Variants in IBTK observed in about 807,000 individuals in gnomAD.
IBTK encodes inhibitor of Bruton tyrosine kinase.
Under a neutral mutation model 154.9 loss-of-function variants are expected in IBTK, and 83 were observed. That is an observed-to-expected ratio of 0.54 (90% CI 0.45 to 0.64). The LOEUF (loss-of-function observed/expected upper bound fraction) is 0.64. Ranked by LOEUF, IBTK falls within the 30% of genes least tolerant of loss-of-function variation. IBTK has a pLI of 0.00. For synonymous variants in IBTK, 515 were observed against 536.1 expected (o/e 0.96, Z 0.54); for missense variants, 1,332 against 1,584.6 (o/e 0.84, Z 2.71).
rs1320416076 is a variant in IBTK, at chr6:82,200,569, A to T, written c.2912+18T>A. ...GAAGAAAAGGAGGAAAAGAAAAAAA[A>T]AAAAGAAAACAGCTTACGAATGATT... is the stretch of plus-strand genomic sequence containing the variant. On this transcript the variant is annotated intron_variant, in intron 20 of 28. Coordinates refer to ENST00000306270, the MANE Select transcript of IBTK (RefSeq NM_015525.4). The T allele has an allele frequency of 2.0e-6, 3 of 1,514,188 alleles. No individual in the cohort carries two copies. Among genetic ancestry groups the T allele is most frequent in the African/African-American group, 1.4e-5 (1 of 70,636 alleles). The allele number at this position is 1,514,188 out of a possible 1,614,324, so 93.8% of individuals were successfully genotyped here.
At chr6:82,231,175 G>A (rs1262198369) in intron 4 of IBTK, among the ~76,000 whole-genome samples, 1 of 152,122 alleles carries the variant, frequency 6.6e-6, no homozygotes, top group Non-Finnish European at 1.5e-5. Flanking sequence ...CCAGACTGCT[G>A]TCATCCAACT....
intron 2 of IBTK, 95 bp downstream of exon 2, chr6:82,240,071 C>T (rs1770882669): frequency 1.9e-6 from 2 of 1,042,466 alleles, no homozygotes; most frequent in Admixed American, 5.1e-5. Flanking sequence ...AGAAAAAATG[C>T]AAATATTTTC....
At position 82,201,497 on chromosome 6, in the gene IBTK, AC is replaced by A. The variant is rs1470614355; in HGVS notation, c.2730-16del. On this transcript the variant is annotated splice_polypyrimidine_tract_variant and intron_variant, in intron 18 of 28. Transcript: ENST00000306270. ...CATCAAGAGACCTAAAATATAGGAT[AC>A]AAAATTCTATCTTAAGATTCAAGTG... The A allele has an allele frequency of 3.2e-6, 5 of 1,559,970 alleles. No homozygotes were observed. The African/African-American group carries it at 4.1e-5, about 13-fold the overall frequency.
At chr6:82,201,526 T>C (rs745747307) in intron 18 of IBTK, 44 bp from the exon 19 acceptor site, 1 of 1,348,452 alleles carries the variant, frequency 7.4e-7, no homozygotes, top group Admixed American at 1.9e-5. Flanking sequence ...TTCAAGTGAC[T>C]TGATAACTGT....
intron 1 of IBTK, among the ~76,000 whole-genome samples, chr6:82,244,426 A>G (rs1362299681): frequency 6.6e-6 from 1 of 152,192 alleles, no homozygotes; most frequent in Non-Finnish European, 1.5e-5. Flanking sequence ...AAGGAGTCTA[A>G]AAGAGATCCA....
Position 82,214,785 on chromosome 6 carries a change from T to C in IBTK, c.1646A>G (p.Glu549Gly), listed in dbSNP as rs910376093. The C allele has an allele frequency of 8.1e-6, 13 of 1,607,700 alleles. No individual in the cohort carries two copies. Among genetic ancestry groups the C allele is most frequent in the Non-Finnish European group, 1.1e-5 (13 of 1,177,654 alleles). Residue 549 changes from glutamate to glycine, a missense_variant, in exon 12 of 29, where the codon GAG (glutamate) becomes GGG (glycine). Around this residue, in one of 3 missense-constraint regions of IBTK, gnomAD observed 1,134 missense variants for 1,274.7 expected, o/e 0.89. Coordinates refer to ENST00000306270, the MANE Select transcript of IBTK (RefSeq NM_015525.4). Reference protein sequence around the residue: ...PAVSSSSFFEEFGKLLREADE... With the variant: ...PAVSSSSFFEGFGKLLREADE... ...TGCTTCCCTCAACAGTTTGCCAAAC[T>C]CTTCAAAAAAGGATGATGAGGACAC...
intron 27 of IBTK, chr6:82,172,794 G>A: frequency 3.3e-6 from 1 of 305,270 alleles, no homozygotes. Flanking sequence ...AGAATGATGA[G>A]GTGAGAAACA....
At chr6:82,238,844 TTCTAATGCCTCAGTC>T (rs1770833999) in intron 2 of IBTK, among the ~76,000 whole-genome samples, 1 of 152,032 alleles carries the variant, frequency 6.6e-6, no homozygotes, top group African/African-American at 2.4e-5. Context: ...GCTTAGCTGA[TTCTAATGCCTCAGTC>T]TCCCAAGTAG....
At chr6:82,193,838 C>A in intron 23 of IBTK, among the ~76,000 whole-genome samples, 1 of 151,954 alleles carries the variant, frequency 6.6e-6, no homozygotes, top group South Asian at 2.1e-4. Flanking sequence ...CGTACCACCA[C>A]GCCTGGCTAA....
intron 10 of IBTK, among the ~76,000 whole-genome samples, chr6:82,216,482 C>A (rs1314312073): frequency 6.6e-6 from 1 of 152,148 alleles, no homozygotes; most frequent in Non-Finnish European, 1.5e-5. Flanking sequence ...ATGATTCCAT[C>A]TCTTTCAACA....
chr6:82,240,086 A>C, intron 2 of IBTK, 80 bp downstream of exon 2: 1 of 1,232,704 alleles, frequency 8.1e-7, no homozygotes, highest in Non-Finnish European at 1.1e-6. Context: ...ATTTTCCAAA[A>C]AGCATGTAGG....
intron 26 of IBTK, among the ~76,000 whole-genome samples, chr6:82,178,597 A>C (rs1360829012): frequency 6.6e-6 from 1 of 152,228 alleles, no homozygotes; most frequent in Non-Finnish European, 1.5e-5. Flanking sequence ...TAGTAAAATG[A>C]TGAGCAAAGA....
Position 82,200,255 on chromosome 6 carries a change from T to C in IBTK, c.2913-2A>G. 6.2e-7 allele frequency: 1 copy of C among 1,601,456 alleles called. No homozygotes were observed. Among genetic ancestry groups the C allele is most frequent in the South Asian group, 1.1e-5 (1 of 90,678 alleles). ...TTTGCTTTCTTGAACATAGTTTCCC[T>C]AGGAAAAAGCAAACATAATTTCAGC... On this transcript the variant is annotated splice_acceptor_variant, in intron 20 of 28. Transcript: ENST00000306270. LOFTEE classifies it high-confidence loss of function.
At chr6:82,194,762 G>T in intron 22 of IBTK, 120 bp from the exon 23 acceptor site, 1 of 642,346 alleles carries the variant, frequency 1.6e-6, no homozygotes, top group Non-Finnish European at 2.3e-6. Flanking sequence ...ATGACAATAA[G>T]CCATCTAGTA....
intron 25 of IBTK, among the ~76,000 whole-genome samples, chr6:82,189,322 G>A (rs1440098795): frequency 2.0e-5 from 3 of 152,008 alleles, no homozygotes; most frequent in Non-Finnish European, 2.9e-5. Flanking sequence ...GAAGAAAACA[G>A]GAGGTAACAT....
chr6:82,172,257 C>T (rs754226789), intron 28 of IBTK, 123 bp downstream of exon 28: 10 of 887,124 alleles, frequency 1.1e-5, no homozygotes, highest in Non-Finnish European at 1.7e-5. Flanking sequence ...TTTTACCTGG[C>T]ATTTACATTT....
chr6:82,240,230 C>G lies in IBTK; in HGVS notation c.257G>C (p.Gly86Ala). ...AATGCTTCTGTGCAATGCTGTCCAT[C>G]CAGACTCTTTGTCTTTCACCAACAG... ...VDLLVKDKES[G>A]WTALHRSIFY... The change falls in exon 2 of 29, where the codon GGA becomes GCA. Residue 86 changes from glycine to alanine, a missense_variant. Gly to Ala is a moderately conservative substitution (Grantham distance 60). This residue lies in a region of IBTK where 114 missense variants were observed against 213.7 expected (regional missense o/e 0.53). Transcript: ENST00000306270. The G allele has an allele frequency of 6.2e-7, 1 of 1,614,218 alleles. No individual in the cohort carries two copies. The highest frequency in any genetic ancestry group is 8.5e-7 in the Non-Finnish European group (1 of 1,180,044).
chr6:82,185,779 AC>A (rs1431801458), intron 25 of IBTK, among the ~76,000 whole-genome samples: 1 of 152,092 alleles, frequency 6.6e-6, no homozygotes, highest in Non-Finnish European at 1.5e-5. Context: ...AGGTTAAAAT[AC>A]TTTGCAGCCT....
chr6:82,194,036 A>G (rs1051727323), intron 23 of IBTK, among the ~76,000 whole-genome samples: 1 of 152,158 alleles, frequency 6.6e-6, no homozygotes, highest in Non-Finnish European at 1.5e-5. Context: ...TAGGCAAGTT[A>G]AAAGGATAGT....
Sources: allele counts gnomAD v4.1 joint callset (sites outside exome capture counted in the v4.1 genomes callset), GRCh38; gene constraint gnomAD v4.1.1; regional missense constraint gnomAD v4.1.1; transcripts MANE v1.5; gene names NCBI Gene and HGNC (gene_info 2026-07-23, HGNC 2026-07-21).